The following PPP3CA variants were observed in gnomAD, a reference collection of about 807,000 sequenced individuals.
PPP3CA encodes CAM-PRP catalytic subunit.
PPP3CA carries 14 observed loss-of-function variants against 66.5 expected under a neutral mutation model. That is an observed-to-expected ratio of 0.21 (90% confidence interval 0.14 to 0.33). PPP3CA has a LOEUF of 0.33. Among genes scored for constraint, PPP3CA ranks in the 10% least tolerant of loss-of-function variants. The pLI, the probability that PPP3CA is intolerant of heterozygous loss-of-function variation, is 1.00. For missense variants in PPP3CA, 317 were observed against 639.5 expected (o/e 0.50, Z 5.44); for synonymous variants, 232 against 226.2 (o/e 1.03, Z -0.23).
intron 1 of PPP3CA, among the ~76,000 whole-genome samples, chr4:101,290,522 GTTTC>G (rs1180190330): frequency 2.6e-5 from 4 of 152,138 alleles, no homozygotes; most frequent in East Asian, 1.9e-4. Flanking sequence ...TCAGAATCTT[GTTTC>G]TTTTTCATTC....
At chr4:101,223,704 T>C (rs1056960245) in intron 1 of PPP3CA, among the ~76,000 whole-genome samples, 4 of 151,836 alleles carry the variant, frequency 2.6e-5, no homozygotes, top group African/African-American at 9.7e-5. Context: ...AAACTAATGC[T>C]TTTATAAAAT....
chr4:101,309,747 T>C (rs1267057876), intron 1 of PPP3CA, among the ~76,000 whole-genome samples: 1 of 152,134 alleles, frequency 6.6e-6, no homozygotes, highest in African/African-American at 2.4e-5. Flanking sequence ...CTAAGAATGG[T>C]CAAGCAGTCA....
intron 5 of PPP3CA, among the ~76,000 whole-genome samples, chr4:101,096,758 GGT>G (rs1730212839): frequency 6.6e-6 from 1 of 152,032 alleles, no homozygotes; most frequent in African/African-American, 2.4e-5. Context: ...TTCAATAAGT[GGT>G]TATCAGGTTA....
chr4:101,113,966 A>G lies in PPP3CA; in HGVS notation c.260-4888T>C, dbSNP rs1247860031. ...TTGGCCTTGACAGCACTTCTTGAAC[A>G]ACCAGGCTCTGACAATTTTTTTGCC... On this transcript the variant is annotated intron_variant, in intron 2 of 13. Transcript: ENST00000394854. Among the ~76,000 whole-genome samples the G allele has an allele frequency of 4.6e-5, 7 of 152,106 alleles. No homozygotes were observed. In the East Asian group the frequency reaches 1.3e-3, roughly 29 times the overall value.
At position 101,346,845 on chromosome 4, in the gene PPP3CA, C is replaced by T; in HGVS notation, c.-49G>A. 6.3e-7 allele frequency: 1 copy of T among 1,587,956 alleles called. No homozygotes were observed. Among genetic ancestry groups the T allele is most frequent in the Non-Finnish European group, 8.6e-7 (1 of 1,168,198 alleles). The stretch of plus-strand genomic sequence containing the variant: ...CGCGCTGCTCGTCCGTCCGACTGCA[C>T]ACCCCGACCGGACCGGCGGGCCAGA... On this transcript the variant is annotated 5_prime_UTR_variant, in exon 1 of 14. In the 5' UTR this introduces an upstream ATG that the reference lacks. Coordinates refer to ENST00000394854, the MANE Select transcript of PPP3CA (RefSeq NM_000944.5).
At chr4:101,171,827 T>C (rs1055121736) in intron 2 of PPP3CA, among the ~76,000 whole-genome samples, 3 of 152,212 alleles carry the variant, frequency 2.0e-5, no homozygotes, top group Admixed American at 2.0e-4. Flanking sequence ...TTGTGTAATC[T>C]GTTTAATACC....
chr4:101,050,173 G>A (rs1177773195), intron 10 of PPP3CA, among the ~76,000 whole-genome samples: 6 of 151,994 alleles, frequency 3.9e-5, no homozygotes, highest in African/African-American at 1.2e-4. Context: ...TCAGGAGAAC[G>A]GATGTGCTAG....
intron 1 of PPP3CA, among the ~76,000 whole-genome samples, chr4:101,290,608 T>A (rs1166902098): frequency 1.3e-5 from 2 of 152,112 alleles, no homozygotes; most frequent in East Asian, 3.8e-4. Flanking sequence ...CAGGCAAAAA[T>A]GCATACACCC....
At position 101,263,400 on chromosome 4, in the gene PPP3CA, T is replaced by TA. The variant is rs1451103741; in HGVS notation, c.59-67285dup. On this transcript the variant is annotated intron_variant, in intron 1 of 13. Transcript: ENST00000394854. ...AGTGCCATTCTTGTCCCTGTTACTG[T>TA]AAAAGATGTGGTGTATCTCATTCAA... 4.6e-5 allele frequency among the ~76,000 whole-genome samples: 7 copies of TA among 152,170 alleles called. 1 individual carries two copies. Among genetic ancestry groups the TA allele is most frequent in the Admixed American group, 3.3e-4 (5 of 15,278 alleles).
chr4:101,315,368 C>T (rs1160487124), intron 1 of PPP3CA, among the ~76,000 whole-genome samples: 2 of 152,112 alleles, frequency 1.3e-5, no homozygotes, highest in African/African-American at 4.8e-5. Context: ...CACAGTACAA[C>T]CCCAGTTTTA....
intron 10 of PPP3CA, among the ~76,000 whole-genome samples, chr4:101,060,261 G>C (rs975440129): frequency 6.6e-6 from 1 of 151,948 alleles, no homozygotes; most frequent in East Asian, 1.9e-4. Context: ...CTAATTTTTT[G>C]TAGAGATGAA....
At chr4:101,127,610 G>T (rs1204236617) in intron 2 of PPP3CA, among the ~76,000 whole-genome samples, 1 of 152,142 alleles carries the variant, frequency 6.6e-6, no homozygotes, top group East Asian at 1.9e-4. Flanking sequence ...CAGGCTTCTG[G>T]CCTCCAGAAC....
At chr4:101,292,344 C>G (rs1311324033) in intron 1 of PPP3CA, among the ~76,000 whole-genome samples, 5 of 152,164 alleles carry the variant, frequency 3.3e-5, no homozygotes, top group Admixed American at 1.3e-4. Flanking sequence ...TCCTAGTTGA[C>G]TTTCATTGCT....
chr4:101,134,602 G>C (rs1198461191), intron 2 of PPP3CA, among the ~76,000 whole-genome samples: 1 of 152,198 alleles, frequency 6.6e-6, no homozygotes, highest in Non-Finnish European at 1.5e-5. Context: ...AGGATGTAGA[G>C]AAATAGGAAA....
Position 101,194,735 on chromosome 4 carries a change from T to A in PPP3CA, c.259+1181A>T, listed in dbSNP as rs534210120. 1.1e-4 allele frequency among the ~76,000 whole-genome samples: 17 copies of A among 152,108 alleles called. No homozygotes were observed. In the East Asian group the frequency reaches 3.1e-3, roughly 28 times the overall value. ...GTGCCCACCAGCACACCCAGCTAAT[T>A]TTTGTATTTTTAGTAGAGATGGAAT... On this transcript the variant is annotated intron_variant, in intron 2 of 13. Transcript: ENST00000394854.
chr4:101,285,948 T>C (rs1727834605), intron 1 of PPP3CA, among the ~76,000 whole-genome samples: 1 of 152,146 alleles, frequency 6.6e-6, no homozygotes, highest in Non-Finnish European at 1.5e-5. Context: ...CAAAAGCACA[T>C]ATACTTTAAA....
intron 1 of PPP3CA, among the ~76,000 whole-genome samples, chr4:101,254,680 A>G (rs1726783740): frequency 6.6e-6 from 1 of 151,934 alleles, no homozygotes; most frequent in African/African-American, 2.4e-5. Flanking sequence ...ACTCTGATCA[A>G]CTTCAGTCAG....
chr4:101,099,503 T>A, intron 4 of PPP3CA, 108 bp downstream of exon 4: 2 of 532,830 alleles, frequency 3.8e-6, no homozygotes, highest in Non-Finnish European at 3.2e-6. Flanking sequence ...AGTGTCACTT[T>A]AAGTCTTTGA....
chr4:101,199,507 G>C (rs567604573), intron 1 of PPP3CA, among the ~76,000 whole-genome samples: 5 of 152,158 alleles, frequency 3.3e-5, no homozygotes, highest in Non-Finnish European at 7.4e-5. Flanking sequence ...ATAGTGCTAA[G>C]ACTTCTTAGA....
Sources: allele counts gnomAD v4.1 joint callset (sites outside exome capture counted in the v4.1 genomes callset), GRCh38; gene constraint gnomAD v4.1.1; transcripts MANE v1.5; gene names NCBI Gene and HGNC (gene_info 2026-07-23, HGNC 2026-07-21).